Variants in SRD5A1 observed in about 807,000 individuals in gnomAD.
The protein encoded by SRD5A1 is steroid 5 alpha-reductase 1, also known as 3-oxo-5-alpha-steroid 4-dehydrogenase 1.
Under a neutral mutation model 28.2 loss-of-function variants are expected in SRD5A1, and 22 were observed. The ratio of observed to expected loss-of-function variants is 0.78; its 90% CI spans 0.56 to 1.12. The LOEUF (loss-of-function observed/expected upper bound fraction) is 1.12, where lower values mean the gene tolerates loss of function less well. Among genes scored for constraint, SRD5A1 ranks in the 50% most tolerant of loss-of-function variants. The probability of loss-of-function intolerance (pLI) is 0.00; values close to 1 mark genes in which losing one functional copy is unlikely to be tolerated. For synonymous variants in SRD5A1, 151 were observed against 135.0 expected (o/e 1.12, Z -0.82); for missense variants, 300 against 346.7 (o/e 0.87, Z 1.07).
chr5:6,642,001 T>C (rs1738374651), intron 1 of SRD5A1, among the ~76,000 whole-genome samples: 1 of 152,240 alleles, frequency 6.6e-6, no homozygotes. Context: ...TTAGGCTTTG[T>C]GGGCCAAGAT....
At chr5:6,651,728 GGATGACATTTGTACAAGAAA>G in intron 1 of SRD5A1, 94 bp from the exon 2 acceptor site, 4 of 949,610 alleles carry the variant, frequency 4.2e-6, no homozygotes, top group Non-Finnish European at 6.2e-6. Context: ...ATGTTACTGA[GGATGACATTTGTACAAGAAA>G]GTAAGATTTA....
At chr5:6,651,213 A>G (rs1738662503) in intron 1 of SRD5A1, among the ~76,000 whole-genome samples, 1 of 152,150 alleles carries the variant, frequency 6.6e-6, no homozygotes, top group African/African-American at 2.4e-5. Context: ...GGACTAGTTA[A>G]TGGTTTTAGG....
chr5:6,644,534 A>G (rs992553557), intron 1 of SRD5A1, among the ~76,000 whole-genome samples: 2 of 152,038 alleles, frequency 1.3e-5, no homozygotes, highest in African/African-American at 4.8e-5. Context: ...CCGCATTGAG[A>G]ATCTCCTAAG....
chr5:6,642,099 T>C (rs1470687082), intron 1 of SRD5A1, among the ~76,000 whole-genome samples: 1 of 152,260 alleles, frequency 6.6e-6, no homozygotes, highest in Non-Finnish European at 1.5e-5. Context: ...GTGCATTTTT[T>C]GTAATATATG....
At chr5:6,667,788 G>A (rs1739230634) in intron 4 of SRD5A1, among the ~76,000 whole-genome samples, 1 of 152,180 alleles carries the variant, frequency 6.6e-6, no homozygotes, top group African/African-American at 2.4e-5. Context: ...CCCTGGGCTA[G>A]GCCAGTAGTT....
chr5:6,648,260 G>T (rs977051698), intron 1 of SRD5A1, among the ~76,000 whole-genome samples: 1 of 148,592 alleles, frequency 6.7e-6, no homozygotes, highest in Non-Finnish European at 1.5e-5. Context: ...TGTGTCTTGG[G>T]GTTGCTCTCC....
rs540640537 is a variant in SRD5A1 at position 6,672,141 on chromosome 5, G to A, written c.*3873G>A. 5 of 152,344 alleles carry A rather than the reference G, an allele frequency of 3.3e-5. No individual in the cohort carries two copies. The highest frequency in any genetic ancestry group is 2.1e-4 in the South Asian group (1 of 4,824). 9.4% of individuals were successfully genotyped at this position (152,344 alleles called of 1,614,324 possible). On this transcript the variant is annotated 3_prime_UTR_variant, in exon 5 of 5. Transcript: ENST00000274192. Reference sequence around the variant, plus strand: ...CCTCTGTTCATGCAGTCTCACTGAGGGCAGTTACTTCTTTGGAGTGGCATG... The same window carrying A: ...CCTCTGTTCATGCAGTCTCACTGAGAGCAGTTACTTCTTTGGAGTGGCATG...
chr5:6,659,884 C>G (rs186581249), intron 3 of SRD5A1, among the ~76,000 whole-genome samples: 1 of 152,074 alleles, frequency 6.6e-6, no homozygotes, highest in African/African-American at 2.4e-5. Flanking sequence ...GCTTTGTGAC[C>G]AGCTCCCTTC....
intron 3 of SRD5A1, 137 bp downstream of exon 3, chr5:6,656,316 A>T (rs1738835155): frequency 1.4e-6 from 1 of 697,280 alleles, no homozygotes; most frequent in Non-Finnish European, 2.5e-6. Flanking sequence ...CATTATTAAT[A>T]ACAAGTGCTA....
intron 1 of SRD5A1, among the ~76,000 whole-genome samples, chr5:6,643,078 C>T (rs1268263376): frequency 1.3e-5 from 2 of 151,374 alleles, no homozygotes; most frequent in Non-Finnish European, 2.9e-5. Context: ...TCATTTGCAA[C>T]AGCTTAGCAG....
In SRD5A1 at chr5:6,656,182, A is replaced by C; in HGVS notation, c.562+3A>C. 1 of 1,609,788 alleles carries C rather than the reference A, an allele frequency of 6.2e-7. No individual in the cohort carries two copies. Among genetic ancestry groups the C allele is most frequent in the East Asian group, 2.2e-5 (1 of 44,832 alleles). On this transcript the variant is annotated splice_donor_region_variant and intron_variant, in intron 3 of 4. Transcript: ENST00000274192. ...TACTGGATACAAAATACCAAGGGGT[A>C]CGTACAGAAAGTGAAGAATTTCTGT... is the stretch of plus-strand genomic sequence containing the variant.
chr5:6,643,739 T>G (rs1738429128), intron 1 of SRD5A1, among the ~76,000 whole-genome samples: 1 of 152,192 alleles, frequency 6.6e-6, no homozygotes, highest in Non-Finnish European at 1.5e-5. Flanking sequence ...TCACCGTTGA[T>G]GCACAGCTTT....
In SRD5A1 at chr5:6,633,784, C is replaced by T; in HGVS notation, c.208C>T (p.Gln70Ter). 3 of 1,597,794 alleles carry T rather than the reference C, an allele frequency of 1.9e-6. No individual in the cohort carries two copies. Among genetic ancestry groups the T allele is most frequent in the Non-Finnish European group, 2.5e-6 (3 of 1,179,648 alleles). The change falls in exon 1 of 5, where the codon CAG becomes TAG. Residue 70 changes from glutamine to a stop codon, truncating the protein, a stop_gained. Transcript: ENST00000274192. LOFTEE classifies it high-confidence loss of function. Reference sequence around the variant, plus strand: ...GCCCTCGCTGGCCCTGCCGCTCTACCAGTACGCCAGCGAGTCCGCCCCGCG... The same window carrying T: ...GCCCTCGCTGGCCCTGCCGCTCTACTAGTACGCCAGCGAGTCCGCCCCGCG... ...ELPSLALPLY[Q>*]YASESAPRLR... is the part of the protein sequence containing the mutation.
At chr5:6,644,387 G>C (rs149577677) in intron 1 of SRD5A1, among the ~76,000 whole-genome samples, 1 of 151,894 alleles carries the variant, frequency 6.6e-6, no homozygotes, top group African/African-American at 2.4e-5. Flanking sequence ...CTTTTTTTCT[G>C]TATTTCCTCA....
rs1739245949 is a variant in SRD5A1, at chr5:6,668,192, T to G, written c.714-10T>G. ...CAGAATTATTTCCTTTTTTAATTTT[T>G]TTTTCTTAGGTGGTACCTCCGGAAA... On this transcript the variant is annotated splice_polypyrimidine_tract_variant and intron_variant, in intron 4 of 4. Coordinates refer to ENST00000274192, the MANE Select transcript of SRD5A1 (RefSeq NM_001047.4). 1 of 1,525,202 alleles carries G rather than the reference T, an allele frequency of 6.6e-7. No individual in the cohort carries two copies. The highest frequency in any genetic ancestry group is 1.4e-5 in the African/African-American group (1 of 71,436). The allele number at this position is 1,525,202 out of a possible 1,614,324, so 94.5% of individuals were successfully genotyped here. A position where few individuals can be genotyped will look rare whatever the true frequency, so the allele number is the denominator to read the frequency against.
rs200332603 is a variant in SRD5A1, at chr5:6,662,908, G to A, written c.655G>A (p.Ala219Thr). ...YALASWSVQGAAFAFFTFCFL... is the reference protein window; with the variant it reads ...YALASWSVQGTAFAFFTFCFL... ...CCTGGCCAGCTGGTCTGTCCAAGGC[G>A]CGGCTTTTGCTTTCTTCACGTTTTG... The change falls in exon 4 of 5, where the codon GCG becomes ACG. Residue 219 changes from alanine (A) to threonine (T), a missense_variant. By Grantham distance (58) the Ala-to-Thr change is moderately conservative. Transcript: ENST00000274192. 211 of 1,613,864 alleles carry A rather than the reference G, an allele frequency of 1.3e-4. No homozygotes were observed. Among genetic ancestry groups the A allele is most frequent in the Middle Eastern group, 1.7e-4 (1 of 5,890 alleles).
intron 1 of SRD5A1, among the ~76,000 whole-genome samples, chr5:6,649,496 T>C (rs1200241642): frequency 6.6e-6 from 1 of 152,158 alleles, no homozygotes; most frequent in East Asian, 1.9e-4. Context: ...CTCAAACTGC[T>C]CTGGAGCAGC....
chr5:6,650,411 G>GA (rs563990147), intron 1 of SRD5A1, among the ~76,000 whole-genome samples: 5,647 of 112,382 alleles, frequency 0.05, 212 homozygotes, highest in South Asian at 0.12. Context: ...ACCCTGTCTT[G>GA]AAAAAAAAAA....
At chr5:6,656,364 C>G (rs1379978220) in intron 3 of SRD5A1, among the ~76,000 whole-genome samples, 185 bp downstream of exon 3, 1 of 152,174 alleles carries the variant, frequency 6.6e-6, no homozygotes, top group Admixed American at 6.5e-5. Context: ...AGACCCAAAT[C>G]TAGCTAACTG....
Sources: allele counts gnomAD v4.1 joint callset (sites outside exome capture counted in the v4.1 genomes callset), GRCh38; gene constraint gnomAD v4.1.1; transcripts MANE v1.5; gene names NCBI Gene and HGNC (gene_info 2026-07-23, HGNC 2026-07-21).